Variants in EDA observed in about 807,000 individuals in gnomAD.
The protein encoded by EDA is ectodysplasin-A.
A neutral mutation model predicts 23.6 loss-of-function variants in EDA; 2 were observed. The ratio of observed to expected loss-of-function variants is 0.08; its 90% confidence interval spans 0.03 to 0.27. The LOEUF (loss-of-function observed/expected upper bound fraction) is 0.27. Among genes scored for constraint, EDA ranks in the 10% least tolerant of loss-of-function variants. The probability of loss-of-function intolerance (pLI) is 1.00; values close to 1 mark genes in which losing one functional copy is unlikely to be tolerated. For synonymous variants in EDA, 131 were observed against 132.0 expected (o/e 0.99, Z 0.05); for missense variants, 229 against 324.2 (o/e 0.71, Z 2.26).
At chrX:69,793,896 T>G (rs142201054) in intron 1 of EDA, among the ~76,000 whole-genome samples, 2,736 of 110,937 alleles carry the variant, frequency 0.025, 70 homozygotes, top group African/African-American at 0.086. Flanking sequence ...GAGGGTAGAT[T>G]CACTCCTGGA....
intron 1 of EDA, among the ~76,000 whole-genome samples, chrX:69,651,295 G>A (rs1346455447): frequency 1.8e-5 from 2 of 111,820 alleles, no homozygotes; most frequent in East Asian, 2.8e-4. Flanking sequence ...GTGTGGAAAA[G>A]GGAGAATCAA....
chrX:69,910,611 C>G (rs759816037), intron 1 of EDA, among the ~76,000 whole-genome samples: 2 of 110,547 alleles, frequency 1.8e-5, no homozygotes, highest in East Asian at 5.7e-4. Context: ...TTACAGGTCC[C>G]TGAGGCTCTG....
chrX:70,002,337 AAC>A (rs766234790), intron 2 of EDA, among the ~76,000 whole-genome samples: 2 of 111,152 alleles, frequency 1.8e-5, no homozygotes, highest in Non-Finnish European at 3.8e-5. Context: ...GAAAAAAAAA[AAC>A]ATGACTAATC....
chrX:70,022,583 G>A (rs1052974684), intron 2 of EDA, among the ~76,000 whole-genome samples: 21 of 110,236 alleles, frequency 1.9e-4, no homozygotes, highest in Non-Finnish European at 3.4e-4. Flanking sequence ...TGATCCACCC[G>A]CCTCGGCCTC....
At chrX:69,842,221 A>G (rs1301300284) in intron 1 of EDA, among the ~76,000 whole-genome samples, 1 of 111,518 alleles carries the variant, frequency 9.0e-6, no homozygotes, top group Non-Finnish European at 1.9e-5. Context: ...TAAATCACAC[A>G]TACGAGGGAT....
At chrX:69,748,471 T>G (rs1319293213) in intron 1 of EDA, among the ~76,000 whole-genome samples, 1 of 111,937 alleles carries the variant, frequency 8.9e-6, no homozygotes, top group East Asian at 2.8e-4. Context: ...TGTGATATGT[T>G]GTAAGTTTGC....
At position 69,898,903 on chromosome X, in the gene EDA, C is replaced by T. The variant is rs1243733714; in HGVS notation, c.397-58124C>T. On this transcript the variant is annotated intron_variant, in intron 1 of 7. Coordinates refer to ENST00000374552, the MANE Select transcript of EDA (RefSeq NM_001399.5). Reference sequence around the variant, plus strand: ...GTTGTCTGATGTGCCTACAGCCAGGCTCTGATGGAGACAGAGTTCTCTTGC... The same window carrying T: ...GTTGTCTGATGTGCCTACAGCCAGGTTCTGATGGAGACAGAGTTCTCTTGC... Among the ~76,000 whole-genome samples the T allele has an allele frequency of 1.4e-4, 16 of 111,854 alleles. No homozygotes were observed. In the Admixed American group the frequency reaches 1.5e-3, roughly 11 times the overall value.
At chrX:69,960,938 G>C (rs1337187033) in intron 2 of EDA, among the ~76,000 whole-genome samples, 1 of 108,997 alleles carries the variant, frequency 9.2e-6, no homozygotes, top group Admixed American at 9.9e-5. Context: ...AGAATTGCTT[G>C]AGCCCAAGAG....
chrX:69,753,466 T>C (rs2013974423), intron 1 of EDA, among the ~76,000 whole-genome samples: 1 of 111,971 alleles, frequency 8.9e-6, no homozygotes, highest in Admixed American at 9.5e-5. Flanking sequence ...TTCTGTTCTT[T>C]TACATTTGCT....
chrX:69,698,062 A>G (rs1001721084), intron 1 of EDA, among the ~76,000 whole-genome samples: 1 of 111,496 alleles, frequency 9.0e-6, no homozygotes, highest in African/African-American at 3.3e-5. Flanking sequence ...TAGCATATAT[A>G]TGGGAGTGCG....
At chrX:69,849,399 T>C (rs1310487780) in intron 1 of EDA, among the ~76,000 whole-genome samples, 1 of 112,207 alleles carries the variant, frequency 8.9e-6, no homozygotes, top group Non-Finnish European at 1.9e-5. Flanking sequence ...GTGTGTTGAC[T>C]AGCCAAGCAC....
At chrX:69,838,887 A>G (rs182618197) in intron 1 of EDA, among the ~76,000 whole-genome samples, 1 of 112,100 alleles carries the variant, frequency 8.9e-6, no homozygotes, top group African/African-American at 3.2e-5. Context: ...GTTTTTCCCA[A>G]TCCAAATTTG....
In EDA at chrX:69,861,036, GTGA is replaced by G. The variant is rs2017374137; in HGVS notation, c.397-95990_397-95988del. On this transcript the variant is annotated intron_variant, in intron 1 of 7. Coordinates refer to ENST00000374552, the MANE Select transcript of EDA (RefSeq NM_001399.5). ...CATTTATATCCACTGAAACCACTAA[GTGA>G]AATAAAGATGTGTTTAGGCAAAGAA... 6 of 484,524 alleles carry G rather than the reference GTGA, an allele frequency of 1.2e-5. No homozygotes were observed. In the Admixed American group the frequency reaches 1.4e-4, roughly 11 times the overall value. 39.9% of individuals were successfully genotyped at this position (484,524 alleles called of 1,213,427 possible).
At chrX:69,788,705 C>T (rs1473273834) in intron 1 of EDA, among the ~76,000 whole-genome samples, 1 of 112,840 alleles carries the variant, frequency 8.9e-6, no homozygotes, top group African/African-American at 3.2e-5. Flanking sequence ...AGCTGTCAGA[C>T]AGGGACATTT....
chrX:69,914,096 A>G (rs2018307645), intron 1 of EDA, among the ~76,000 whole-genome samples: 1 of 112,394 alleles, frequency 8.9e-6, no homozygotes, highest in Non-Finnish European at 1.9e-5. Flanking sequence ...AAATACCAAA[A>G]TGTGACACAG....
intron 1 of EDA, among the ~76,000 whole-genome samples, chrX:69,638,312 C>T (rs973330505): frequency 8.9e-6 from 1 of 111,891 alleles, no homozygotes; most frequent in South Asian, 3.7e-4. Flanking sequence ...CCATGACATA[C>T]AAGCAAGAGA....
chrX:70,032,173 C>T (rs758223925), intron 6 of EDA, among the ~76,000 whole-genome samples: 4 of 110,303 alleles, frequency 3.6e-5, no homozygotes, highest in African/African-American at 1.3e-4. Context: ...GCAGGAGAAT[C>T]ACTTGAACCC....
chrX:69,928,250 A>G (rs980018097), intron 1 of EDA, among the ~76,000 whole-genome samples: 8 of 111,536 alleles, frequency 7.2e-5, no homozygotes, highest in Non-Finnish European at 1.5e-4. Context: ...GCCCATGTCA[A>G]TTCTGAAAAG....
intron 1 of EDA, among the ~76,000 whole-genome samples, chrX:69,849,867 A>AG (rs1261044846): frequency 8.9e-6 from 1 of 112,225 alleles, no homozygotes; most frequent in Non-Finnish European, 1.9e-5. Context: ...AAGCTGACAG[A>AG]GGATGTTGCA....
Sources: gnomAD v4.1 joint callset for allele counts (sites outside exome capture counted in the v4.1 genomes callset) on GRCh38, gnomAD v4.1.1 for gene constraint, MANE v1.5 for transcripts, NCBI Gene and HGNC (gene_info 2026-07-23, HGNC 2026-07-21) for gene names.